The following LAMA2 variants were observed in gnomAD, a reference collection of about 807,000 sequenced individuals.
The protein encoded by LAMA2 is laminin subunit alpha-2.
LAMA2 carries 269 observed loss-of-function variants against 364.8 expected under a neutral mutation model. The observed-to-expected ratio is 0.74, with a 90% CI of 0.67 to 0.82. The LOEUF (loss-of-function observed/expected upper bound fraction) is 0.82. LAMA2 is among the 40% of genes least tolerant of loss of function. The pLI, the probability that LAMA2 is intolerant of heterozygous loss-of-function variation, is 0.00. For synonymous variants in LAMA2, 1,379 were observed against 1,370.6 expected, an observed-to-expected ratio of 1.01 and a Z score of -0.14; for missense variants, 3,807 against 3,873.2, an observed-to-expected ratio of 0.98 and a Z score of 0.45.
intron 4 of LAMA2, among the ~76,000 whole-genome samples, chr6:129,132,199 C>G (rs1014324342): frequency 1.1e-4 from 16 of 149,494 alleles, no homozygotes; most frequent in African/African-American, 4.0e-4. Context: ...CAGAGTCTCG[C>G]TCTGTCACCC....
chr6:129,279,595 C>T (rs1308975540), intron 17 of LAMA2, among the ~76,000 whole-genome samples: 1 of 152,100 alleles, frequency 6.6e-6, no homozygotes, highest in African/African-American at 2.4e-5. Context: ...CACAGGCACG[C>T]CCCACTATGG....
chr6:129,233,266 C>G (rs929362836), intron 12 of LAMA2, among the ~76,000 whole-genome samples: 2 of 152,080 alleles, frequency 1.3e-5, no homozygotes, highest in Non-Finnish European at 2.9e-5. Flanking sequence ...GTTACGGTAG[C>G]AATAGGAAAC....
chr6:129,290,990 T>G (rs1789656276), intron 19 of LAMA2, among the ~76,000 whole-genome samples: 1 of 152,138 alleles, frequency 6.6e-6, no homozygotes. Flanking sequence ...ATATTTCACC[T>G]CAAACCATTT....
At chr6:128,893,911 C>T (rs929454713) in intron 1 of LAMA2, among the ~76,000 whole-genome samples, 1 of 152,028 alleles carries the variant, frequency 6.6e-6, no homozygotes, top group African/African-American at 2.4e-5. Context: ...ACTGGATTCT[C>T]ATTTCTGCCT....
chr6:129,223,121 G>T (rs1462010411), intron 12 of LAMA2, among the ~76,000 whole-genome samples: 4 of 152,054 alleles, frequency 2.6e-5, no homozygotes, highest in Non-Finnish European at 5.9e-5. Flanking sequence ...TCATGTGTCT[G>T]CTGGCTGCAT....
chr6:129,115,443 G>C (rs999954829), intron 4 of LAMA2, among the ~76,000 whole-genome samples: 1 of 151,964 alleles, frequency 6.6e-6, no homozygotes, highest in Admixed American at 6.6e-5. Context: ...TTATTTGTCG[G>C]ATGCATATAG....
At chr6:129,190,902 C>T (rs9492267) in intron 11 of LAMA2, among the ~76,000 whole-genome samples, 16,659 of 152,198 alleles carry the variant, frequency 0.11, 946 homozygotes, top group Non-Finnish European at 0.12. Context: ...CTTTCTTTAA[C>T]GTAAATGTGT....
rs545460613 is a variant in LAMA2, at chr6:128,952,583, T to C, written c.112+69226T>C. Among the ~76,000 whole-genome samples, 158 of 152,284 alleles carry C rather than the reference T, an allele frequency of 1.0e-3. 2 individuals are homozygous for C. Among genetic ancestry groups the C allele is most frequent in the Non-Finnish European group, 1.6e-3 (110 of 68,022 alleles). ...AGCAATTTCATCTATATTTAGGAGA[T>C]GTTTACAGGTGTTATATTTTATAAT... On this transcript the variant is annotated intron_variant, in intron 1 of 64. Coordinates refer to ENST00000421865, the MANE Select transcript of LAMA2 (RefSeq NM_000426.4).
At chr6:128,974,999 C>G (rs1387746044) in intron 1 of LAMA2, among the ~76,000 whole-genome samples, 1 of 151,832 alleles carries the variant, frequency 6.6e-6, no homozygotes, top group Non-Finnish European at 1.5e-5. Context: ...CTACAGGCGC[C>G]CACCACCATG....
intron 1 of LAMA2, among the ~76,000 whole-genome samples, chr6:128,970,578 A>G (rs1376859099): frequency 2.0e-5 from 3 of 152,226 alleles, no homozygotes; most frequent in Non-Finnish European, 4.4e-5. Context: ...TTTTTATAAG[A>G]TTGCTGAAAT....
At chr6:129,319,521 C>G (rs572145088) in intron 27 of LAMA2, among the ~76,000 whole-genome samples, 2 of 151,900 alleles carry the variant, frequency 1.3e-5, no homozygotes, top group Non-Finnish European at 2.9e-5. Flanking sequence ...TACATGAGCC[C>G]CAGAAATTTA....
rs371501481 is a variant in LAMA2 at position 129,017,549 on chromosome 6, C to CAT, written c.113-32355_113-32354dup. 3.2e-3 allele frequency among the ~76,000 whole-genome samples: 482 copies of CAT among 150,530 alleles called. 2 individuals are homozygous for CAT. The highest frequency in any genetic ancestry group is 8.7e-3 in the African/African-American group (359 of 41,086). ...GCCTAGCAAAGTTTTATTGATCTTA[C>CAT]ATATATATATATATAAAATGGTTTT... is the stretch of plus-strand genomic sequence containing the variant. On this transcript the variant is annotated intron_variant, in intron 1 of 64. Coordinates refer to ENST00000421865, the MANE Select transcript of LAMA2 (RefSeq NM_000426.4).
intron 10 of LAMA2, among the ~76,000 whole-genome samples, chr6:129,181,490 A>G (rs1780924200): frequency 6.6e-6 from 1 of 152,046 alleles, no homozygotes; most frequent in East Asian, 1.9e-4. Flanking sequence ...TAGACGCTAT[A>G]TTAAAATTCA....
At chr6:129,067,831 T>C (rs1276917359) in intron 3 of LAMA2, among the ~76,000 whole-genome samples, 2 of 152,210 alleles carry the variant, frequency 1.3e-5, no homozygotes, top group African/African-American at 4.8e-5. Context: ...ATGTAGCTTG[T>C]TTCCTCACCT....
chr6:128,939,695 A>G (rs547808663), intron 1 of LAMA2, among the ~76,000 whole-genome samples: 66 of 152,280 alleles, frequency 4.3e-4, no homozygotes, highest in African/African-American at 1.5e-3. Flanking sequence ...GAGAGTCAAT[A>G]AGAAGCAAAT....
At chr6:129,412,492 C>A (rs1248070900) in intron 40 of LAMA2, among the ~76,000 whole-genome samples, 1 of 150,598 alleles carries the variant, frequency 6.6e-6, no homozygotes, top group African/African-American at 2.4e-5. Context: ...AACAAGCAGA[C>A]AGAGAGAGAA....
At chr6:129,481,540 C>T in intron 55 of LAMA2, 101 bp downstream of exon 55, 1 of 1,003,948 alleles carries the variant, frequency 1.0e-6, no homozygotes, top group Non-Finnish European at 1.6e-6. Context: ...TTTCTGCTCT[C>T]ATCTTGGCTA....
At chr6:129,149,286 T>C (rs1024036581) in intron 7 of LAMA2, among the ~76,000 whole-genome samples, 190 bp downstream of exon 7, 1 of 152,166 alleles carries the variant, frequency 6.6e-6, no homozygotes, top group Non-Finnish European at 1.5e-5. Flanking sequence ...AGCAGATGAC[T>C]TTATAGCCTA....
Position 129,445,761 on chromosome 6 carries a change from A to G in LAMA2, c.6369A>G (p.Leu2123=), listed in dbSNP as rs2114774847. The G allele has an allele frequency of 1.9e-6, 3 of 1,613,564 alleles. No individual in the cohort carries two copies. Among genetic ancestry groups the G allele is most frequent in the Non-Finnish European group, 2.5e-6 (3 of 1,179,568 alleles). ...CCATCAAGGAACTTGAGGATAACCT[A>G]AAGAAAAACATCTCTGAGATAAAGG... ...LKPIKELEDN[L]KKNISEIKEL... Residue 2123 remains leucine (L), a synonymous_variant, in exon 45 of 65, where the codon CTA becomes CTG. Coordinates refer to ENST00000421865, the MANE Select transcript of LAMA2 (RefSeq NM_000426.4).
Sources: gnomAD v4.1 joint callset for allele counts (sites outside exome capture counted in the v4.1 genomes callset) on GRCh38, gnomAD v4.1.1 for gene constraint, MANE v1.5 for transcripts, NCBI Gene and HGNC (gene_info 2026-07-23, HGNC 2026-07-21) for gene names.